The following CSRP1 variants were observed in gnomAD, a reference collection of about 807,000 sequenced individuals.
CSRP1 encodes cysteine and glycine rich protein 1, also known as cysteine and glycine-rich protein 1.
CSRP1 carries 16 observed loss-of-function variants against 25.4 expected under a neutral mutation model. That is an observed-to-expected ratio of 0.63 (90% CI 0.43 to 0.96). The LOEUF is 0.96. CSRP1 is among the 40% of genes least tolerant of loss of function. The probability of loss-of-function intolerance (pLI) is 0.00; values close to 1 mark genes in which losing one functional copy is unlikely to be tolerated. For missense variants in CSRP1, 212 were observed against 243.6 expected, an observed-to-expected ratio of 0.87 and a Z score of 0.86; for synonymous variants, 97 against 95.3, an observed-to-expected ratio of 1.02 and a Z score of -0.10.
At chr1:201,506,216 A>G (rs545428698) in intron 1 of CSRP1, among the ~76,000 whole-genome samples, 24 of 152,054 alleles carry the variant, frequency 1.6e-4, no homozygotes, top group Non-Finnish European at 3.2e-4. Context: ...CTGTGATAGT[A>G]TCCCAGCGTG....
rs114043058 is a variant in CSRP1 at position 201,488,552 on chromosome 1, C to T, written c.411+303G>A. On this transcript the variant is annotated intron_variant, in intron 4 of 5. Coordinates refer to ENST00000340006, the MANE Select transcript of CSRP1 (RefSeq NM_004078.3). ...TCTTCAGGGCTTTGTGGACCCTCTG[C>T]AGCCCATCCACGTACCCTTACTTTC... The T allele has an allele frequency of 8.9e-3, 1,791 of 201,538 alleles. 30 individuals are homozygous for T. Among genetic ancestry groups the T allele is most frequent in the African/African-American group, 0.035 (1,528 of 43,510 alleles). 12.5% of individuals were successfully genotyped at this position (201,538 alleles called of 1,614,324 possible).
chr1:201,493,464 A>C (rs1664406650), intron 2 of CSRP1, among the ~76,000 whole-genome samples: 1 of 152,228 alleles, frequency 6.6e-6, no homozygotes. Context: ...CCCCCATACA[A>C]GCTCTCTTGC....
At position 201,498,760 on chromosome 1, in the gene CSRP1, GC is replaced by G. The variant is rs1427713256; in HGVS notation, c.-1-2457del. Among the ~76,000 whole-genome samples the G allele has an allele frequency of 1.2e-4, 18 of 152,336 alleles. No homozygotes were observed. In the South Asian group the frequency reaches 3.5e-3, roughly 30 times the overall value. On this transcript the variant is annotated intron_variant, in intron 1 of 5. Transcript: ENST00000340006. ...AATGAAGGATGCACTAATATCGAAA[GC>G]CACAGCTTCTGGGGCCATTTTCTCT... is the stretch of plus-strand genomic sequence containing the variant.
In CSRP1 at chr1:201,488,921, G is replaced by C. The variant is rs1345575621; in HGVS notation, c.345C>G (p.Gly115=). 6.2e-7 allele frequency: 1 copy of C among 1,614,166 alleles called. No homozygotes were observed. Among genetic ancestry groups the C allele is most frequent in the Non-Finnish European group, 8.5e-7 (1 of 1,180,030 alleles). Residue 115 remains glycine, a synonymous_variant, in exon 4 of 6, where the codon GGC becomes GGG. Transcript: ENST00000340006. ...NASKFAQKIG[G]SERCPRCSQA... Reference sequence around the variant, plus strand: ...GGCTGCATCGGGGGCAGCGCTCGGAGCCACCAATCTTCTGGGCAAATTTGG... The same window carrying C: ...GGCTGCATCGGGGGCAGCGCTCGGACCCACCAATCTTCTGGGCAAATTTGG...
intron 1 of CSRP1, among the ~76,000 whole-genome samples, chr1:201,498,351 G>A (rs1664571321): frequency 6.6e-6 from 1 of 152,172 alleles, no homozygotes; most frequent in African/African-American, 2.4e-5. Flanking sequence ...TTGGTGCCGG[G>A]GGTTGCCCAG....
chr1:201,500,519 G>A (rs10920213), intron 1 of CSRP1, among the ~76,000 whole-genome samples: 4,637 of 152,384 alleles, frequency 0.03, 257 homozygotes, highest in African/African-American at 0.1. Context: ...TGGTCATTTA[G>A]TTAGGGCGAG....
intron 4 of CSRP1, chr1:201,486,219 T>C (rs1467800977): frequency 2.9e-6 from 1 of 339,050 alleles, no homozygotes; most frequent in Non-Finnish European, 4.2e-6. Flanking sequence ...GGCAAACAGC[T>C]GTCCCAGAAA....
rs1185580277 is a variant in CSRP1, at chr1:201,483,793, G to A, written c.*920C>T. ...TTAAAGGGAAGATTCTGAGGTCTCA[G>A]GGCAAAGGGAAAGGTGTTTGGATGA... is the stretch of plus-strand genomic sequence containing the variant. On this transcript the variant is annotated 3_prime_UTR_variant, in exon 6 of 6. Transcript: ENST00000340006. The A allele has an allele frequency of 2.0e-6, 1 of 502,314 alleles. No homozygotes were observed. Among genetic ancestry groups the A allele is most frequent in the Non-Finnish European group, 3.6e-6 (1 of 276,858 alleles). 31.1% of individuals were successfully genotyped at this position (502,314 alleles called of 1,614,324 possible). A position where few individuals can be genotyped will look rare whatever the true frequency, so the allele number is the denominator to read the frequency against.
intron 1 of CSRP1, among the ~76,000 whole-genome samples, chr1:201,499,184 T>C (rs1553232670): frequency 6.6e-6 from 1 of 152,220 alleles, no homozygotes; most frequent in Non-Finnish European, 1.5e-5. Context: ...CTGAAAACCG[T>C]ACGATGTGAA....
intron 1 of CSRP1, among the ~76,000 whole-genome samples, chr1:201,502,028 T>TAAAG (rs995427227): frequency 5.0e-5 from 7 of 139,726 alleles, no homozygotes; most frequent in African/African-American, 1.8e-4. Flanking sequence ...AATAAATAAA[T>TAAAG]AAAGTCTGGC....
Position 201,488,835 on chromosome 1 carries a change from A to G in CSRP1, c.411+20T>C, listed in dbSNP as rs775003184. On this transcript the variant is annotated intron_variant, in intron 4 of 5. Coordinates refer to ENST00000340006, the MANE Select transcript of CSRP1 (RefSeq NM_004078.3). Reference sequence around the variant, plus strand: ...GAAGATATCTCCCCCCATCCCTCTCATGCCCAGCAGCCACCTTACCTTCCC... The same window carrying G: ...GAAGATATCTCCCCCCATCCCTCTCGTGCCCAGCAGCCACCTTACCTTCCC... The G allele has an allele frequency of 6.2e-7, 1 of 1,610,426 alleles. No homozygotes were observed. The highest frequency in any genetic ancestry group is 8.5e-7 in the Non-Finnish European group (1 of 1,177,168).
At chr1:201,496,583 C>T (rs918251858) in intron 1 of CSRP1, 6 of 458,262 alleles carry the variant, frequency 1.3e-5, no homozygotes, top group Non-Finnish European at 2.4e-5. Flanking sequence ...TGTGGATCAG[C>T]AGAAGAAGCA....
At chr1:201,500,592 A>C (rs1664641280) in intron 1 of CSRP1, among the ~76,000 whole-genome samples, 1 of 152,250 alleles carries the variant, frequency 6.6e-6, no homozygotes. Flanking sequence ...TGAGATGAAA[A>C]GTGATGACTC....
At chr1:201,494,905 G>C (rs957227014) in intron 2 of CSRP1, among the ~76,000 whole-genome samples, 1 of 152,220 alleles carries the variant, frequency 6.6e-6, no homozygotes, top group African/African-American at 2.4e-5. Context: ...ATCATTTTAA[G>C]TGCTTTGTCT....
rs749729679 is a variant in CSRP1 at position 201,484,103 on chromosome 1, T to A, written c.*610A>T. ...TCCTCCCAGTCCTAGTGGGAGGCTA[T>A]CCATTCCACAAAGACTCAAAGGCAA... On this transcript the variant is annotated 3_prime_UTR_variant, in exon 6 of 6. Coordinates refer to ENST00000340006, the MANE Select transcript of CSRP1 (RefSeq NM_004078.3). 1 of 671,308 alleles carries A rather than the reference T, an allele frequency of 1.5e-6. No homozygotes were observed. Among genetic ancestry groups the A allele is most frequent in the African/African-American group, 1.8e-5 (1 of 56,706 alleles). The allele number at this position is 671,308 out of a possible 1,614,324, so 41.6% of individuals were successfully genotyped here.
intron 1 of CSRP1, among the ~76,000 whole-genome samples, chr1:201,497,774 G>A (rs1291477173): frequency 3.3e-5 from 5 of 152,158 alleles, no homozygotes; most frequent in Non-Finnish European, 1.5e-5. Flanking sequence ...CACTTTGGGA[G>A]GCTGAGGTGG....
At chr1:201,493,630 T>A (rs1249803141) in intron 2 of CSRP1, among the ~76,000 whole-genome samples, 1 of 152,234 alleles carries the variant, frequency 6.6e-6, no homozygotes, top group Non-Finnish European at 1.5e-5. Context: ...GAGAGTAGAC[T>A]AATACAGGCA....
intron 1 of CSRP1, among the ~76,000 whole-genome samples, chr1:201,505,449 C>A (rs1391298386): frequency 6.6e-6 from 1 of 152,190 alleles, no homozygotes. Flanking sequence ...CTGTTTTTCC[C>A]ATTTTATTAG....
Position 201,488,907 on chromosome 1 carries a change from G to C in CSRP1, c.359C>G (p.Pro120Arg), listed in dbSNP as rs576758670. The C allele has an allele frequency of 6.2e-7, 1 of 1,614,090 alleles. No individual in the cohort carries two copies. Among genetic ancestry groups the C allele is most frequent in the South Asian group, 1.1e-5 (1 of 91,064 alleles). Reference sequence around the variant, plus strand: ...AGCATAGACTGCCTGGCTGCATCGGGGGCAGCGCTCGGAGCCACCAATCTT... The same window carrying C: ...AGCATAGACTGCCTGGCTGCATCGGCGGCAGCGCTCGGAGCCACCAATCTT... ...AQKIGGSERC[P>R]RCSQAVYAAE... Residue 120 changes from proline (P) to arginine (R), a missense_variant, in exon 4 of 6, where the codon CCC (proline) becomes CGC (arginine). Physicochemically the swap from Pro to Arg is moderately radical, Grantham distance 103. Coordinates refer to ENST00000340006, the MANE Select transcript of CSRP1 (RefSeq NM_004078.3).
Sources: gnomAD v4.1 joint callset for allele counts (sites outside exome capture counted in the v4.1 genomes callset) on GRCh38, gnomAD v4.1.1 for gene constraint, MANE v1.5 for transcripts, NCBI Gene and HGNC (gene_info 2026-07-23, HGNC 2026-07-21) for gene names.